Variants in JADE3 observed in about 807,000 individuals in gnomAD.
JADE3 encodes protein Jade-3.
Under a neutral mutation model 50.1 loss-of-function variants are expected in JADE3, and 2 were observed. That is an observed-to-expected ratio of 0.04 (90% CI 0.02 to 0.13). The LOEUF (loss-of-function observed/expected upper bound fraction) is 0.13. Among genes scored for constraint, JADE3 ranks in the 10% least tolerant of loss-of-function variants. JADE3 has a pLI of 1.00. For missense variants in JADE3, 475 were observed against 634.4 expected (o/e 0.75, Z 2.70); for synonymous variants, 218 against 232.9 (o/e 0.94, Z 0.58).
intron 1 of JADE3, among the ~76,000 whole-genome samples, chrX:46,952,326 C>G (rs1239891747): frequency 8.9e-6 from 1 of 112,179 alleles, no homozygotes; most frequent in Non-Finnish European, 1.9e-5. Flanking sequence ...ACTGCAAGTT[C>G]CATCTCACTT....
chrX:46,959,664 A>G (rs1927212885), intron 1 of JADE3, among the ~76,000 whole-genome samples: 1 of 111,012 alleles, frequency 9.0e-6, no homozygotes, highest in African/African-American at 3.3e-5. Flanking sequence ...TGACATGACT[A>G]GGAGATAGCC....
At chrX:46,931,630 G>A (rs1556339942) in intron 1 of JADE3, among the ~76,000 whole-genome samples, 1 of 110,357 alleles carries the variant, frequency 9.1e-6, no homozygotes, top group Non-Finnish European at 1.9e-5. Flanking sequence ...CACTATGTTG[G>A]CCAGGCTGGT....
chrX:46,970,907 G>A (rs1268792985), intron 1 of JADE3, among the ~76,000 whole-genome samples: 6 of 110,899 alleles, frequency 5.4e-5, no homozygotes, highest in African/African-American at 2.0e-4. Flanking sequence ...TAAAACAATG[G>A]GAAATCGTTT....
At chrX:47,007,075 A>G (rs1928445310) in intron 4 of JADE3, among the ~76,000 whole-genome samples, 1 of 109,981 alleles carries the variant, frequency 9.1e-6, no homozygotes, top group Non-Finnish European at 1.9e-5. Context: ...AAGTGCTGGG[A>G]TTATGGGTGT....
At chrX:46,972,698 A>G (rs782777348) in intron 1 of JADE3, among the ~76,000 whole-genome samples, 2 of 110,641 alleles carry the variant, frequency 1.8e-5, no homozygotes, top group South Asian at 7.7e-4. Context: ...CTCCCAGGTT[A>G]AAGCATTTCT....
rs1556373799 is a variant in JADE3, at chrX:47,058,261, C to A, written c.1656C>A (p.Asp552Glu). The change falls in exon 11 of 11, where the codon GAC (aspartate) becomes GAA (glutamate). Residue 552 changes from aspartate to glutamate, a missense_variant. Asp to Glu is a conservative substitution (Grantham distance 45). This residue lies in a region of JADE3 where 243 missense variants were observed against 238.2 expected (regional missense o/e 1.02). Transcript: ENST00000614628. The stretch of plus-strand genomic sequence containing the variant: ...AAATGCCCAAATCAACCCCAGAAGA[C>A]CACAGAAACAGCTCCACAGAAACCG... ...KLKMPKSTPE[D>E]HRNSSTETDQ... 1 of 1,208,275 alleles carries A rather than the reference C, an allele frequency of 8.3e-7. No individual in the cohort carries two copies. The highest frequency in any genetic ancestry group is 1.8e-5 in the African/African-American group (1 of 56,731).
At chrX:46,976,558 A>G (rs1176265071) in intron 1 of JADE3, among the ~76,000 whole-genome samples, 1 of 111,906 alleles carries the variant, frequency 8.9e-6, no homozygotes, top group African/African-American at 3.3e-5. Flanking sequence ...GTTTCTGCCA[A>G]AATGAAGGTA....
intron 4 of JADE3, among the ~76,000 whole-genome samples, chrX:47,000,137 G>A (rs1481491225): frequency 1.8e-5 from 2 of 111,006 alleles, no homozygotes; most frequent in Non-Finnish European, 1.9e-5. Flanking sequence ...GGCTGCCTAT[G>A]CTCTGTTAAG....
chrX:46,919,473 G>A (rs1926174784), intron 1 of JADE3, among the ~76,000 whole-genome samples: 1 of 112,304 alleles, frequency 8.9e-6, no homozygotes, highest in Non-Finnish European at 1.9e-5. Flanking sequence ...GGGATTCTCT[G>A]TAAATGTGTT....
At position 46,961,203 on chromosome X, in the gene JADE3, A is replaced by C. The variant is rs1029262579; in HGVS notation, c.-11-23681A>C. On this transcript the variant is annotated intron_variant, in intron 1 of 10. Coordinates refer to ENST00000614628, the MANE Select transcript of JADE3 (RefSeq NM_014735.5). ...ATTCCAGCCTAAGTTCCTTCATCAG[A>C]TCTTTATTGAGTTCTTTGATGGGCC... is the stretch of plus-strand genomic sequence containing the variant. Among the ~76,000 whole-genome samples the C allele has an allele frequency of 3.6e-5, 4 of 111,924 alleles. No individual in the cohort carries two copies. In the Admixed American group the frequency reaches 3.8e-4, roughly 11 times the overall value.
chrX:47,057,222 G>T (rs1929648094), intron 10 of JADE3, among the ~76,000 whole-genome samples: 1 of 111,267 alleles, frequency 9.0e-6, no homozygotes, highest in Non-Finnish European at 1.9e-5. Context: ...CAGAGATGGG[G>T]GTTGTGGGTG....
intron 4 of JADE3, among the ~76,000 whole-genome samples, chrX:47,009,158 A>G (rs1928502333): frequency 9.0e-6 from 1 of 110,656 alleles, no homozygotes; most frequent in African/African-American, 3.3e-5. Flanking sequence ...CCTCGTCTCT[A>G]CAAAAAGTAA....
intron 4 of JADE3, among the ~76,000 whole-genome samples, chrX:47,003,594 T>TTATATATAATTAATG (rs1928335146): frequency 9.8e-6 from 1 of 102,477 alleles, no homozygotes; most frequent in Admixed American, 1.1e-4. Flanking sequence ...ATAAAAATAA[T>TTATATATAATTAATG]TATATATAAT....
At chrX:47,046,430 C>G (rs1175742235) in intron 8 of JADE3, among the ~76,000 whole-genome samples, 1 of 111,931 alleles carries the variant, frequency 8.9e-6, no homozygotes, top group Non-Finnish European at 1.9e-5. Context: ...AGTGGCTTCT[C>G]TACTGAATTT....
chrX:46,921,196 C>T (rs1037953786), intron 1 of JADE3, among the ~76,000 whole-genome samples: 1 of 112,109 alleles, frequency 8.9e-6, no homozygotes, highest in East Asian at 2.8e-4. Context: ...CCTGCCTCAG[C>T]GTCTTGAGTA....
intron 1 of JADE3, among the ~76,000 whole-genome samples, chrX:46,930,914 C>T (rs1170695181): frequency 2.7e-5 from 3 of 111,471 alleles, no homozygotes; most frequent in Non-Finnish European, 3.8e-5. Flanking sequence ...ATACCCTGAA[C>T]GCGCACTACC....
chrX:46,959,046 C>T (rs143900033), intron 1 of JADE3, among the ~76,000 whole-genome samples: 1,195 of 111,955 alleles, frequency 0.011, 3 homozygotes, highest in Non-Finnish European at 0.014. Context: ...CAACCACGTG[C>T]CTAATTCCAG....
At chrX:46,961,924 G>A (rs189652089) in intron 1 of JADE3, among the ~76,000 whole-genome samples, 1 of 112,311 alleles carries the variant, frequency 8.9e-6, no homozygotes, top group African/African-American at 3.2e-5. Context: ...TTCTAAAACC[G>A]TTAATGCAAA....
At chrX:46,945,826 C>T (rs1421736852) in intron 1 of JADE3, among the ~76,000 whole-genome samples, 2 of 111,631 alleles carry the variant, frequency 1.8e-5, no homozygotes, top group African/African-American at 6.5e-5. Context: ...ACCATTTTCT[C>T]TTGGGGCCCC....
Sources: gnomAD v4.1 joint callset for allele counts (sites outside exome capture counted in the v4.1 genomes callset) on GRCh38, gnomAD v4.1.1 for gene constraint, gnomAD v4.1.1 regional missense constraint, MANE v1.5 for transcripts, NCBI Gene and HGNC (gene_info 2026-07-23, HGNC 2026-07-21) for gene names.